CLCN3: variants seen among roughly 807,000 people sequenced by gnomAD.
The protein encoded by CLCN3 is H(+)/Cl(-) exchange transporter 3.
A neutral mutation model predicts 83.4 loss-of-function variants in CLCN3; 16 were observed. The observed-to-expected ratio is 0.19, with a 90% CI of 0.13 to 0.29. The LOEUF is 0.29. Ranked by LOEUF, CLCN3 falls within the 10% of genes least tolerant of loss-of-function variation. The pLI, the probability that CLCN3 is intolerant of heterozygous loss-of-function variation, is 1.00. For synonymous variants in CLCN3, 322 were observed against 346.2 expected (o/e 0.93, Z 0.78); for missense variants, 544 against 1,006.0 (o/e 0.54, Z 6.21).
At chr4:169,696,974 T>C (rs1732588449) in intron 8 of CLCN3, among the ~76,000 whole-genome samples, 1 of 152,118 alleles carries the variant, frequency 6.6e-6, no homozygotes, top group South Asian at 2.1e-4. Flanking sequence ...TATTAGACAT[T>C]TATGATCAAT....
At chr4:169,670,158 C>T (rs1415197692) in intron 2 of CLCN3, among the ~76,000 whole-genome samples, 3 of 151,998 alleles carry the variant, frequency 2.0e-5, no homozygotes, top group Non-Finnish European at 2.9e-5. Flanking sequence ...TGGCTTTTGT[C>T]GCCATTGCTT....
At chr4:169,640,951 T>C (rs370343810) in intron 2 of CLCN3, among the ~76,000 whole-genome samples, 1 of 152,206 alleles carries the variant, frequency 6.6e-6, no homozygotes, top group East Asian at 1.9e-4. Context: ...TCCTTTTTTA[T>C]CACACCTGAA....
At chr4:169,631,597 C>A (rs1773372752) in intron 1 of CLCN3, among the ~76,000 whole-genome samples, 1 of 152,114 alleles carries the variant, frequency 6.6e-6, no homozygotes. Flanking sequence ...CGTCTTTGCC[C>A]ACTTTTTAAT....
At chr4:169,635,242 A>G (rs1773473734) in intron 1 of CLCN3, among the ~76,000 whole-genome samples, 1 of 152,192 alleles carries the variant, frequency 6.6e-6, no homozygotes, top group African/African-American at 2.4e-5. Flanking sequence ...TAATGTCCCC[A>G]TACTTATGTT....
intron 1 of CLCN3, among the ~76,000 whole-genome samples, chr4:169,629,495 T>G (rs1017900956): frequency 2.0e-5 from 3 of 152,026 alleles, no homozygotes; most frequent in African/African-American, 7.2e-5. Context: ...CTCGGCCTCC[T>G]GAGTAGCTGG....
chr4:169,713,021 G>A (rs1017014599), intron 11 of CLCN3, 58 bp from the exon 12 acceptor site: 3 of 1,240,760 alleles, frequency 2.4e-6, no homozygotes, highest in South Asian at 2.5e-5. Context: ...GAATAAACAG[G>A]TTGCCTACTT....
intron 2 of CLCN3, among the ~76,000 whole-genome samples, chr4:169,655,519 G>C (rs1223347890): frequency 1.3e-5 from 2 of 152,100 alleles, no homozygotes; most frequent in Non-Finnish European, 2.9e-5. Context: ...TTCTAAGATG[G>C]GGTCTTGCTC....
At chr4:169,677,439 C>T (rs982037833) in intron 2 of CLCN3, among the ~76,000 whole-genome samples, 2 of 152,216 alleles carry the variant, frequency 1.3e-5, no homozygotes, top group Non-Finnish European at 2.9e-5. Context: ...GTTGTTGCAA[C>T]TGTGTGGCAT....
At chr4:169,666,212 G>A (rs770635573) in intron 2 of CLCN3, among the ~76,000 whole-genome samples, 7 of 152,118 alleles carry the variant, frequency 4.6e-5, no homozygotes, top group Non-Finnish European at 7.4e-5. Context: ...ATACCAAGTA[G>A]TAAGAGTAAG....
rs1193212895 is a variant in CLCN3 at position 169,660,105 on chromosome 4, G to A, written c.161-19945G>A. On this transcript the variant is annotated intron_variant, in intron 2 of 12. Coordinates refer to ENST00000513761, the MANE Select transcript of CLCN3 (RefSeq NM_001829.4). Reference sequence around the variant, plus strand: ...TGGAGCTTAGTCATTGTCATACGTAGCAGGACCTGATTAAGAAGGCTGTGC... The same window carrying A: ...TGGAGCTTAGTCATTGTCATACGTAACAGGACCTGATTAAGAAGGCTGTGC... 3.8e-6 allele frequency: 4 copies of A among 1,064,150 alleles called. No homozygotes were observed. The East Asian group carries it at 2.5e-4, about 68-fold the overall frequency. The allele number at this position is 1,064,150 out of a possible 1,614,324, so 65.9% of individuals were successfully genotyped here. A position where few individuals can be genotyped will look rare whatever the true frequency, so the allele number is the denominator to read the frequency against.
Position 169,621,010 on chromosome 4 carries a change from C to G in CLCN3, c.-70C>G, listed in dbSNP as rs558376949. 1 of 397,906 alleles carries G rather than the reference C, an allele frequency of 2.5e-6. No homozygotes were observed. Among genetic ancestry groups the G allele is most frequent in the South Asian group, 1.4e-4 (1 of 7,316 alleles). The allele number at this position is 397,906 out of a possible 1,614,324, so 24.6% of individuals were successfully genotyped here. A position where few individuals can be genotyped will look rare whatever the true frequency, so the allele number is the denominator to read the frequency against. On this transcript the variant is annotated 5_prime_UTR_variant, in exon 1 of 13. In the 5' UTR this introduces an upstream ATG that the reference lacks. Transcript: ENST00000513761. ...TCTAGGTTTGAAACAGATGCAGAAT[C>G]CAAAGGCAGCGCAAAAAACAGCCAC... is the stretch of plus-strand genomic sequence containing the variant.
intron 1 of CLCN3, among the ~76,000 whole-genome samples, chr4:169,628,040 G>A (rs917476833): frequency 2.6e-5 from 4 of 152,138 alleles, no homozygotes; most frequent in African/African-American, 4.8e-5. Context: ...ACAGTTCAAC[G>A]GAGGTAGATA....
chr4:169,624,941 G>A (rs962852359), intron 1 of CLCN3, among the ~76,000 whole-genome samples: 2 of 152,066 alleles, frequency 1.3e-5, no homozygotes, highest in East Asian at 1.9e-4. Flanking sequence ...ACAGGTGCCC[G>A]CCACCATGCC....
At chr4:169,701,165 C>A (rs1732771593) in intron 9 of CLCN3, among the ~76,000 whole-genome samples, 1 of 152,202 alleles carries the variant, frequency 6.6e-6, no homozygotes, top group South Asian at 2.1e-4. Context: ...AATTCAAAAT[C>A]TTTTGTCCTT....
rs1313299946 is a variant in CLCN3 at position 169,694,793 on chromosome 4, G to A, written c.937-819G>A. On this transcript the variant is annotated intron_variant, in intron 7 of 12. Transcript: ENST00000513761. ...GGTGGAGGTTGCAGTGAGCTGAGAC[G>A]ACGCCATTGCACTCCAGCCTGAGAA... Among the ~76,000 whole-genome samples, 7 of 152,182 alleles carry A rather than the reference G, an allele frequency of 4.6e-5. No homozygotes were observed. The East Asian group carries it at 9.7e-4, about 21-fold the overall frequency.
intron 1 of CLCN3, among the ~76,000 whole-genome samples, chr4:169,635,579 GCCAT>G (rs1352111084): frequency 6.6e-6 from 1 of 152,070 alleles, no homozygotes; most frequent in African/African-American, 2.4e-5. Context: ...TTGTACTTCA[GCCAT>G]CTTGTTCCCT....
At chr4:169,691,911 T>C (rs1335266786) in intron 6 of CLCN3, among the ~76,000 whole-genome samples, 1 of 152,184 alleles carries the variant, frequency 6.6e-6, no homozygotes, top group Non-Finnish European at 1.5e-5. Flanking sequence ...CTCTCCTTTC[T>C]TGGGTAGAGA....
At chr4:169,690,987 T>A (rs1732347709) in intron 6 of CLCN3, among the ~76,000 whole-genome samples, 1 of 152,144 alleles carries the variant, frequency 6.6e-6, no homozygotes, top group Admixed American at 6.5e-5. Flanking sequence ...GTTGTTACTT[T>A]GCTGTTATGA....
chr4:169,674,681 T>C (rs1385825229), intron 2 of CLCN3, among the ~76,000 whole-genome samples: 1 of 152,152 alleles, frequency 6.6e-6, no homozygotes, highest in Non-Finnish European at 1.5e-5. Context: ...ATTATTATTT[T>C]TTGGAGTACT....
Sources: gnomAD v4.1 joint callset for allele counts (sites outside exome capture counted in the v4.1 genomes callset) on GRCh38, gnomAD v4.1.1 for gene constraint, MANE v1.5 for transcripts, NCBI Gene and HGNC (gene_info 2026-07-23, HGNC 2026-07-21) for gene names.